The following LPP variants were observed in gnomAD, a reference collection of about 807,000 sequenced individuals.
LPP encodes the protein LIM domain containing preferred translocation partner in lipoma.
In LPP, 38 loss-of-function variants were observed where a neutral mutation model predicts 60.4. The ratio of observed to expected loss-of-function variants is 0.63; its 90% confidence interval spans 0.49 to 0.83. The LOEUF (loss-of-function observed/expected upper bound fraction) is 0.83. Among genes scored for constraint, LPP ranks in the 40% least tolerant of loss-of-function variants. The pLI is 0.00. For synonymous variants in LPP, 328 were observed against 290.8 expected (o/e 1.13, Z -1.30); for missense variants, 902 against 783.6 (o/e 1.15, Z -1.80).
At chr3:188,322,731 C>G (rs962804959) in intron 2 of LPP, among the ~76,000 whole-genome samples, 1 of 152,130 alleles carries the variant, frequency 6.6e-6, no homozygotes, top group Non-Finnish European at 1.5e-5. Flanking sequence ...CTTCCTGGCT[C>G]TGCTATTTTC....
intron 3 of LPP, among the ~76,000 whole-genome samples, chr3:188,357,502 G>A (rs1297457558): frequency 6.6e-6 from 1 of 152,200 alleles, no homozygotes; most frequent in East Asian, 1.9e-4. Context: ...TGCATGCCAA[G>A]TCAGGAATAT....
In LPP at chr3:188,748,481, T is replaced by TA. The variant is rs149366608; in HGVS notation, c.1241-11624dup. On this transcript the variant is annotated intron_variant, in intron 8 of 11. Coordinates refer to ENST00000617246, the MANE Select transcript of LPP (RefSeq NM_001375462.1). ...CACTACTTGAGTAGTCTGTGGTGTT[T>TA]AAAAAAAATAATAAACAACAGGCCG... 1.2e-3 allele frequency among the ~76,000 whole-genome samples: 182 copies of TA among 151,892 alleles called. 1 individual carries two copies. Among genetic ancestry groups the TA allele is most frequent in the Non-Finnish European group, 8.4e-4 (57 of 67,930 alleles).
At chr3:188,189,441 T>C (rs1156232885) in intron 1 of LPP, among the ~76,000 whole-genome samples, 2 of 152,160 alleles carry the variant, frequency 1.3e-5, no homozygotes, top group Non-Finnish European at 2.9e-5. Flanking sequence ...CAGGGCCCTC[T>C]CTCAGGATAT....
intron 4 of LPP, among the ~76,000 whole-genome samples, chr3:188,471,668 G>T (rs1409088188): frequency 6.6e-6 from 1 of 152,194 alleles, no homozygotes; most frequent in Non-Finnish European, 1.5e-5. Context: ...TTCATTTGAT[G>T]ATGCTCATTC....
At chr3:188,789,980 C>T (rs746426203) in intron 9 of LPP, among the ~76,000 whole-genome samples, 42 of 152,256 alleles carry the variant, frequency 2.8e-4, no homozygotes, top group Non-Finnish European at 4.9e-4. Context: ...ATTAATACAA[C>T]CTTTTCGAAA....
intron 2 of LPP, among the ~76,000 whole-genome samples, chr3:188,273,923 G>A (rs1451962465): frequency 6.6e-6 from 1 of 151,990 alleles, no homozygotes; most frequent in Non-Finnish European, 1.5e-5. Context: ...AGTAAAGGAT[G>A]GTTGCCTCAA....
intron 1 of LPP, among the ~76,000 whole-genome samples, chr3:188,215,943 G>A (rs1462151145): frequency 6.6e-6 from 1 of 152,198 alleles, no homozygotes; most frequent in Non-Finnish European, 1.5e-5. Flanking sequence ...ACGCAGCTAT[G>A]CTTCCTTTCT....
intron 8 of LPP, among the ~76,000 whole-genome samples, chr3:188,749,620 G>A (rs899013851): frequency 6.6e-6 from 1 of 152,158 alleles, no homozygotes; most frequent in African/African-American, 2.4e-5. Context: ...GGACTGGGCT[G>A]AGTTGCAACT....
At chr3:188,302,674 AC>A (rs1359421058) in intron 2 of LPP, among the ~76,000 whole-genome samples, 1 of 152,196 alleles carries the variant, frequency 6.6e-6, no homozygotes, top group Non-Finnish European at 1.5e-5. Context: ...AAGCAAACAA[AC>A]CAATGAAATG....
intron 3 of LPP, among the ~76,000 whole-genome samples, chr3:188,365,974 C>G (rs1016157407): frequency 6.6e-6 from 1 of 152,172 alleles, no homozygotes; most frequent in Non-Finnish European, 1.5e-5. Context: ...AGCCACCGCA[C>G]TGTGTATTAA....
At chr3:188,607,418 A>ATAATT (rs1842732460) in intron 6 of LPP, among the ~76,000 whole-genome samples, 3 of 38,482 alleles carry the variant, frequency 7.8e-5, no homozygotes, top group Non-Finnish European at 1.6e-4. Context: ...TATATATATA[A>ATAATT]TTTTTTTTTC....
At chr3:188,773,336 C>T (rs1425448308) in intron 9 of LPP, among the ~76,000 whole-genome samples, 1 of 150,426 alleles carries the variant, frequency 6.6e-6, no homozygotes, top group Non-Finnish European at 1.5e-5. Context: ...AGGACAAGGG[C>T]CTGGTATTAT....
intron 9 of LPP, among the ~76,000 whole-genome samples, chr3:188,862,645 G>C (rs1765446242): frequency 6.6e-6 from 1 of 150,500 alleles, no homozygotes; most frequent in Admixed American, 6.7e-5. Flanking sequence ...GATATTGAAG[G>C]TTCATAAGCT....
At chr3:188,298,023 C>T (rs1210462702) in intron 2 of LPP, among the ~76,000 whole-genome samples, 3 of 152,158 alleles carry the variant, frequency 2.0e-5, no homozygotes, top group Admixed American at 6.5e-5. Flanking sequence ...AGAGAATGTG[C>T]TCATCTACTT....
At chr3:188,695,159 A>T (rs577800090) in intron 7 of LPP, among the ~76,000 whole-genome samples, 2 of 152,346 alleles carry the variant, frequency 1.3e-5, no homozygotes, top group South Asian at 4.1e-4. Context: ...TTGAACACCT[A>T]CTAAGCACTC....
At chr3:188,496,523 C>G (rs1810276476) in intron 5 of LPP, among the ~76,000 whole-genome samples, 1 of 152,198 alleles carries the variant, frequency 6.6e-6, no homozygotes, top group Admixed American at 6.5e-5. Flanking sequence ...GATTCTCCAT[C>G]TTGTATCAGT....
intron 2 of LPP, among the ~76,000 whole-genome samples, chr3:188,253,186 C>A (rs554187939): frequency 6.6e-6 from 1 of 151,814 alleles, no homozygotes; most frequent in East Asian, 1.9e-4. Flanking sequence ...ACATATCTCT[C>A]CCAATTTGTT....
rs1560628413 is a variant in LPP at position 188,607,390 on chromosome 3, TA to T, written c.430-1770del. Among the ~76,000 whole-genome samples the T allele has an allele frequency of 4.9e-4, 14 of 28,388 alleles. No homozygotes were observed. In the East Asian group the frequency reaches 0.079, roughly 159 times the overall value. 18.6% of individuals were successfully genotyped at this position (28,388 alleles called of 152,430 possible). ...TAGAAGATATATATATATATATATATATATATATATATATATATATATATAT... is the reference window on the plus strand; with the variant it reads ...TAGAAGATATATATATATATATATATTATATATATATATATATATATATAT... On this transcript the variant is annotated intron_variant, in intron 6 of 11. Coordinates refer to ENST00000617246, the MANE Select transcript of LPP (RefSeq NM_001375462.1).
rs1428307323 is a variant in LPP, at chr3:188,609,528, C to T, written c.797C>T (p.Ser266Leu). Residue 266 changes from serine to leucine, a missense_variant, in exon 7 of 12, where the codon TCA becomes TTA. Transcript: ENST00000617246. This position sits in a 1 kb window ranked among gnomAD's most constrained non-coding sequence, Gnocchi z 6.9. ...VPVSGQCPPPSTRGGMDYAYI... is the reference protein window; with the variant it reads ...VPVSGQCPPPLTRGGMDYAYI... ...GTCTCTGGGCAGTGTCCACCTCCTTCAACACGGGGAGGCATGGATTATGCC... is the reference window on the plus strand; with the variant it reads ...GTCTCTGGGCAGTGTCCACCTCCTTTAACACGGGGAGGCATGGATTATGCC... 6.2e-7 allele frequency: 1 copy of T among 1,614,202 alleles called. No homozygotes were observed. Among genetic ancestry groups the T allele is most frequent in the Admixed American group, 1.7e-5 (1 of 60,022 alleles).
Sources: gnomAD v4.1 joint callset for allele counts (sites outside exome capture counted in the v4.1 genomes callset) on GRCh38, gnomAD v4.1.1 for gene constraint, Gnocchi (gnomAD v3.1) non-coding constraint, MANE v1.5 for transcripts, NCBI Gene and HGNC (gene_info 2026-07-23, HGNC 2026-07-21) for gene names.